SEZ6L: variants seen among roughly 807,000 people sequenced by gnomAD.
The protein encoded by SEZ6L is seizure 6-like protein.
In SEZ6L, 37 loss-of-function variants were observed where a neutral mutation model predicts 106.2. The observed-to-expected ratio is 0.35, with a 90% confidence interval of 0.27 to 0.46. The LOEUF (loss-of-function observed/expected upper bound fraction) is 0.46. SEZ6L is among the 20% of genes least tolerant of loss of function. SEZ6L has a pLI of 1.00. For missense variants in SEZ6L, 1,172 were observed against 1,332.8 expected, an observed-to-expected ratio of 0.88 and a Z score of 1.88; for synonymous variants, 541 against 570.4, an observed-to-expected ratio of 0.95 and a Z score of 0.73.
chr22:26,282,046 G>A lies in SEZ6L; in HGVS notation c.95-10360G>A, dbSNP rs546893258. On this transcript the variant is annotated intron_variant, in intron 1 of 16. Coordinates refer to ENST00000248933, the MANE Select transcript of SEZ6L (RefSeq NM_021115.5). ...GCCTTTTGCTGCTACAAATGGGGCC[G>A]CATTGCTTAACTCGTCTGCATAGCA... Among the ~76,000 whole-genome samples the A allele has an allele frequency of 3.9e-5, 6 of 152,294 alleles. No individual in the cohort carries two copies. In the South Asian group the frequency reaches 1.2e-3, roughly 32 times the overall value.
chr22:26,184,824 T>C (rs2123784663), intron 1 of SEZ6L, among the ~76,000 whole-genome samples: 1 of 152,312 alleles, frequency 6.6e-6, no homozygotes, highest in East Asian at 1.9e-4. Context: ...CTCACGCCTG[T>C]AATCCCAGCA....
intron 13 of SEZ6L, among the ~76,000 whole-genome samples, chr22:26,368,518 G>C (rs2083895630): frequency 6.6e-6 from 1 of 152,190 alleles, no homozygotes; most frequent in Admixed American, 6.5e-5. Context: ...ATGTTTTAGG[G>C]TTCTGTTTCT....
intron 10 of SEZ6L, among the ~76,000 whole-genome samples, chr22:26,346,585 G>A (rs1265272423): frequency 2.0e-5 from 3 of 152,172 alleles, no homozygotes; most frequent in African/African-American, 7.2e-5. Flanking sequence ...TCTCTCATGA[G>A]GCTCTGGTCA....
intron 9 of SEZ6L, among the ~76,000 whole-genome samples, chr22:26,316,940 G>GAAAGAAAGA (rs1569460219): frequency 1.7e-5 from 1 of 57,226 alleles, no homozygotes; most frequent in Non-Finnish European, 3.9e-5. Flanking sequence ...AGAAAGAAAA[G>GAAAGAAAGA]AAAGAAAGGA....
At chr22:26,211,513 C>A (rs1173958123) in intron 1 of SEZ6L, among the ~76,000 whole-genome samples, 4 of 152,154 alleles carry the variant, frequency 2.6e-5, no homozygotes, top group Non-Finnish European at 4.4e-5. Context: ...ACTGGAGCTG[C>A]AACAATAGCT....
chr22:26,268,566 A>G (rs945006621), intron 1 of SEZ6L, among the ~76,000 whole-genome samples: 1 of 152,218 alleles, frequency 6.6e-6, no homozygotes, highest in Non-Finnish European at 1.5e-5. Flanking sequence ...CCCCGGAGGC[A>G]TCCCAATGAA....
chr22:26,370,895 T>C (rs2084009980), intron 13 of SEZ6L, among the ~76,000 whole-genome samples: 1 of 151,480 alleles, frequency 6.6e-6, no homozygotes, highest in African/African-American at 2.4e-5. Context: ...TCCCAACTAC[T>C]TGGGAAGCTG....
At position 26,382,099 on chromosome 22, in the gene SEZ6L, C is replaced by A; in HGVS notation, c.*1804C>A. The A allele has an allele frequency of 1.9e-6, 1 of 513,706 alleles. No homozygotes were observed. The highest frequency in any genetic ancestry group is 2.0e-5 in the Admixed American group (1 of 51,066). The allele number at this position is 513,706 out of a possible 1,614,324, so 31.8% of individuals were successfully genotyped here. ...CCTTCTGCCAGAAAAGAATCTTGCA[C>A]ATATACTCCTGAAGGCATGAGTGTG... On this transcript the variant is annotated 3_prime_UTR_variant, in exon 17 of 17. Coordinates refer to ENST00000248933, the MANE Select transcript of SEZ6L (RefSeq NM_021115.5).
chr22:26,222,110 C>T (rs1288764020), intron 1 of SEZ6L, among the ~76,000 whole-genome samples: 2 of 152,132 alleles, frequency 1.3e-5, no homozygotes, highest in African/African-American at 2.4e-5. Flanking sequence ...TTAGAAATGA[C>T]GATTTCTGGG....
chr22:26,305,702 T>C (rs1230593972), intron 5 of SEZ6L, among the ~76,000 whole-genome samples: 4 of 152,166 alleles, frequency 2.6e-5, no homozygotes, highest in Non-Finnish European at 5.9e-5. Context: ...TTCCCTACCA[T>C]GAAATACACA....
chr22:26,316,272 T>C (rs1241419477), intron 9 of SEZ6L, among the ~76,000 whole-genome samples: 5 of 152,318 alleles, frequency 3.3e-5, no homozygotes, highest in South Asian at 2.1e-4. Flanking sequence ...ATGGAATGGA[T>C]TGTCTCTCTT....
intron 4 of SEZ6L, among the ~76,000 whole-genome samples, chr22:26,297,426 A>G (rs940189886): frequency 1.3e-5 from 2 of 152,226 alleles, no homozygotes; most frequent in African/African-American, 4.8e-5. Flanking sequence ...CCATTATGAT[A>G]TGAAAAATAT....
At chr22:26,218,084 T>C (rs933854500) in intron 1 of SEZ6L, among the ~76,000 whole-genome samples, 15 of 152,206 alleles carry the variant, frequency 9.9e-5, no homozygotes, top group African/African-American at 3.4e-4. Context: ...TGCAGGAATA[T>C]ACACAGCCAT....
intron 1 of SEZ6L, among the ~76,000 whole-genome samples, chr22:26,270,029 G>C (rs1325105222): frequency 6.6e-6 from 1 of 152,164 alleles, no homozygotes; most frequent in South Asian, 2.1e-4. Context: ...AGTGGTTAAG[G>C]ACACTTGCCC....
At chr22:26,252,119 C>T (rs779231587) in intron 1 of SEZ6L, among the ~76,000 whole-genome samples, 2 of 152,132 alleles carry the variant, frequency 1.3e-5, no homozygotes, top group Non-Finnish European at 2.9e-5. Context: ...GGATCCCATC[C>T]CAGGCCTACC....
intron 1 of SEZ6L, among the ~76,000 whole-genome samples, chr22:26,200,661 T>G (rs1602013955): frequency 6.6e-6 from 1 of 152,238 alleles, no homozygotes; most frequent in Non-Finnish European, 1.5e-5. Flanking sequence ...GCTTGGCCAC[T>G]GCTCCCAGTG....
At chr22:26,335,016 AC>A (rs1195243240) in intron 9 of SEZ6L, among the ~76,000 whole-genome samples, 1 of 151,694 alleles carries the variant, frequency 6.6e-6, no homozygotes, top group African/African-American at 2.4e-5. Flanking sequence ...TCAGCGGAAA[AC>A]CACACTCTGC....
chr22:26,260,441 T>C (rs547326111), intron 1 of SEZ6L, among the ~76,000 whole-genome samples: 24 of 152,338 alleles, frequency 1.6e-4, no homozygotes, highest in African/African-American at 5.0e-4. Flanking sequence ...TTCAGTTCCA[T>C]CCACGTTGCT....
At chr22:26,217,601 T>C (rs2078335918) in intron 1 of SEZ6L, among the ~76,000 whole-genome samples, 2 of 152,256 alleles carry the variant, frequency 1.3e-5, no homozygotes, top group Non-Finnish European at 2.9e-5. Context: ...TTAGGTAATG[T>C]TAAGTCTCTG....
Sources: allele counts gnomAD v4.1 joint callset (sites outside exome capture counted in the v4.1 genomes callset), GRCh38; gene constraint gnomAD v4.1.1; transcripts MANE v1.5; gene names NCBI Gene and HGNC (gene_info 2026-07-23, HGNC 2026-07-21).